The following ARHGEF10 variants were observed in gnomAD, a reference collection of about 807,000 sequenced individuals.
ARHGEF10 encodes Rho guanine nucleotide exchange factor 10.
A neutral mutation model predicts 147.4 loss-of-function variants in ARHGEF10; 140 were observed. The observed-to-expected ratio is 0.95, with a 90% confidence interval of 0.83 to 1.09. The LOEUF (loss-of-function observed/expected upper bound fraction) is 1.09. Among genes scored for constraint, ARHGEF10 ranks in the 50% least tolerant of loss-of-function variants. The pLI, the probability that ARHGEF10 is intolerant of heterozygous loss-of-function variation, is 0.00. For synonymous variants in ARHGEF10, 902 were observed against 695.8 expected (o/e 1.30, Z -4.67); for missense variants, 2,222 against 1,752.7 (o/e 1.27, Z -4.78).
intron 10 of ARHGEF10, among the ~76,000 whole-genome samples, chr8:1,884,057 G>A (rs1808438171): frequency 6.6e-6 from 1 of 152,122 alleles, no homozygotes; most frequent in Non-Finnish European, 1.5e-5. Context: ...CTGGTTTAGG[G>A]GTACTCTTTT....
chr8:1,855,667 C>T (rs749989942), intron 2 of ARHGEF10, among the ~76,000 whole-genome samples: 4 of 151,874 alleles, frequency 2.6e-5, no homozygotes, highest in Non-Finnish European at 5.9e-5. Context: ...TGGGATTACA[C>T]GTGTGAGCCC....
chr8:1,867,653 C>G (rs950059876), intron 6 of ARHGEF10, among the ~76,000 whole-genome samples: 2 of 152,182 alleles, frequency 1.3e-5, no homozygotes, highest in Non-Finnish European at 2.9e-5. Context: ...GATCTGCAGT[C>G]CCACCTGCGG....
At chr8:1,891,990 T>A (rs1809566697) in intron 11 of ARHGEF10, among the ~76,000 whole-genome samples, 1 of 148,816 alleles carries the variant, frequency 6.7e-6, no homozygotes, top group Non-Finnish European at 1.5e-5. Context: ...ATAATATAGG[T>A]ACACATATCA....
intron 1 of ARHGEF10, among the ~76,000 whole-genome samples, chr8:1,832,250 G>A (rs1356134291): frequency 3.9e-5 from 6 of 152,180 alleles, no homozygotes; most frequent in East Asian, 1.9e-4. Flanking sequence ...GGCGGGGGGC[G>A]CGTTGTGTCC....
chr8:1,909,521 AC>A, intron 18 of ARHGEF10, 51 bp downstream of exon 18: 1 of 1,609,062 alleles, frequency 6.2e-7, no homozygotes, highest in Admixed American at 1.7e-5. Flanking sequence ...GGTAACTCTC[AC>A]GTTCATGCTA....
intron 1 of ARHGEF10, among the ~76,000 whole-genome samples, chr8:1,824,513 C>G (rs1050053179): frequency 6.6e-6 from 1 of 151,760 alleles, no homozygotes; most frequent in Non-Finnish European, 1.5e-5. Flanking sequence ...AGAGAAGGAC[C>G]GGTGTAAGGA....
rs751458317 is a variant in ARHGEF10 at position 1,893,562 on chromosome 8, C to T, written c.1183-7C>T. 8.7e-6 allele frequency: 14 copies of T among 1,607,854 alleles called. No individual in the cohort carries two copies. Among genetic ancestry groups the T allele is most frequent in the Non-Finnish European group, 1.2e-5 (14 of 1,174,628 alleles). On this transcript the variant is annotated splice_polypyrimidine_tract_variant and splice_region_variant and intron_variant, in intron 11 of 28. Coordinates refer to ENST00000349830, the MANE Select transcript of ARHGEF10 (RefSeq NM_014629.4). ...TTTCTATCATTGTACTTCCAAATTT[C>T]CAACAGGTTGTAAGAAGATATATAC...
At chr8:1,900,592 C>CG (rs1810373249) in intron 15 of ARHGEF10, among the ~76,000 whole-genome samples, 1 of 152,136 alleles carries the variant, frequency 6.6e-6, no homozygotes, top group Non-Finnish European at 1.5e-5. Flanking sequence ...GCATGGCCTG[C>CG]CTGTTACACA....
intron 25 of ARHGEF10, among the ~76,000 whole-genome samples, chr8:1,931,893 A>G (rs2129231961): frequency 6.6e-6 from 1 of 152,332 alleles, no homozygotes; most frequent in Middle Eastern, 3.4e-3. Context: ...TGACCCACCC[A>G]GGTGCTCAGA....
intron 8 of ARHGEF10, among the ~76,000 whole-genome samples, chr8:1,879,738 A>G (rs542969751): frequency 1.3e-5 from 2 of 152,000 alleles, no homozygotes; most frequent in Middle Eastern, 3.2e-3. Flanking sequence ...ATTTTAATAG[A>G]GACAGGGTTT....
chr8:1,955,037 T>TG (rs1385942737), intron 28 of ARHGEF10, among the ~76,000 whole-genome samples: 4 of 138,208 alleles, frequency 2.9e-5, no homozygotes, highest in Admixed American at 7.2e-5. Flanking sequence ...ACTCTCACTG[T>TG]TTTTCTGGAT....
At chr8:1,859,866 G>A in intron 3 of ARHGEF10, 31 bp from the exon 4 acceptor site, 1 of 1,613,408 alleles carries the variant, frequency 6.2e-7, no homozygotes, top group Non-Finnish European at 8.5e-7. Flanking sequence ...TTGGTGATGT[G>A]TCTGCTGACA....
At chr8:1,842,940 G>C (rs1804206987) in intron 1 of ARHGEF10, among the ~76,000 whole-genome samples, 1 of 152,198 alleles carries the variant, frequency 6.6e-6, no homozygotes, top group Non-Finnish European at 1.5e-5. Context: ...AGAAAAAGGA[G>C]TGGAGAGGGC....
intron 11 of ARHGEF10, among the ~76,000 whole-genome samples, chr8:1,890,300 G>A (rs1469115447): frequency 1.3e-5 from 2 of 149,850 alleles, no homozygotes; most frequent in Non-Finnish European, 3.0e-5. Context: ...GTTCTGAGGA[G>A]ACACTGATGG....
intron 28 of ARHGEF10, among the ~76,000 whole-genome samples, chr8:1,955,907 C>T (rs774670821): frequency 5.9e-5 from 9 of 152,240 alleles, no homozygotes; most frequent in Non-Finnish European, 1.2e-4. Context: ...GTCCCCCCAG[C>T]TCCTGCTCCC....
At chr8:1,874,721 GTGTGTA>G (rs1807508059) in intron 7 of ARHGEF10, among the ~76,000 whole-genome samples, 1 of 150,570 alleles carries the variant, frequency 6.6e-6, no homozygotes, top group Admixed American at 6.6e-5. Context: ...ACACACCGGG[GTGTGTA>G]AGCAGTGGAG....
rs779964464 is a variant in ARHGEF10, at chr8:1,896,319, C to T, written c.1441-14C>T. 6.3e-7 allele frequency: 1 copy of T among 1,576,770 alleles called. No individual in the cohort carries two copies. The highest frequency in any genetic ancestry group is 1.7e-5 in the Admixed American group (1 of 59,980). On this transcript the variant is annotated splice_polypyrimidine_tract_variant and intron_variant, in intron 13 of 28. Coordinates refer to ENST00000349830, the MANE Select transcript of ARHGEF10 (RefSeq NM_014629.4). The stretch of plus-strand genomic sequence containing the variant: ...ACTCTGTGATTTCTCTCTGAATTTC[C>T]TCCTGTGTTTCAGTTTTCTAAGTCC...
intron 28 of ARHGEF10, among the ~76,000 whole-genome samples, chr8:1,955,025 GCAC>G (rs1815380774): frequency 8.6e-5 from 12 of 138,906 alleles, no homozygotes; most frequent in African/African-American, 2.8e-4. Flanking sequence ...GAAAGGAGGT[GCAC>G]TCTCACTGTT....
chr8:1,897,260 C>T (rs1423232230), intron 14 of ARHGEF10, among the ~76,000 whole-genome samples: 2 of 152,258 alleles, frequency 1.3e-5, no homozygotes, highest in African/African-American at 2.4e-5. Flanking sequence ...TTTTTTCCCT[C>T]TGCCTTATCC....
Sources: gnomAD v4.1 joint callset for allele counts (sites outside exome capture counted in the v4.1 genomes callset) on GRCh38, gnomAD v4.1.1 for gene constraint, MANE v1.5 for transcripts, NCBI Gene and HGNC (gene_info 2026-07-23, HGNC 2026-07-21) for gene names.